Variants in KDM1B observed in about 807,000 individuals in gnomAD.
KDM1B encodes lysine demethylase 1B.
In KDM1B, 63 loss-of-function variants were observed where a neutral mutation model predicts 107.4. That is an observed-to-expected ratio of 0.59 (90% CI 0.48 to 0.72). The LOEUF (loss-of-function observed/expected upper bound fraction) is 0.72, where lower values mean the gene tolerates loss of function less well. KDM1B is among the 30% of genes least tolerant of loss of function. The pLI is 0.00. For synonymous variants in KDM1B, 363 were observed against 363.9 expected, an observed-to-expected ratio of 1.00 and a Z score of 0.03; for missense variants, 749 against 1,020.8, an observed-to-expected ratio of 0.73 and a Z score of 3.63.
chr6:18,222,869 C>G lies in KDM1B; in HGVS notation c.*877C>G, dbSNP rs1384849294. ...CTTCTTTTATTTAAAAGCACTGATT[C>G]AATTGCTAGGAATATTTTTGCAGAT... is the stretch of plus-strand genomic sequence containing the variant. On this transcript the variant is annotated 3_prime_UTR_variant, in exon 22 of 22. Transcript: ENST00000650836. 1.3e-5 allele frequency: 2 copies of G among 152,608 alleles called. No individual in the cohort carries two copies. The highest frequency in any genetic ancestry group is 4.8e-5 in the African/African-American group (2 of 41,440). 9.5% of individuals were successfully genotyped at this position (152,608 alleles called of 1,614,324 possible). A position where few individuals can be genotyped will look rare whatever the true frequency, so the allele number is the denominator to read the frequency against.
chr6:18,160,037 T>C, intron 3 of KDM1B, 55 bp downstream of exon 3: 3 of 1,173,732 alleles, frequency 2.6e-6, no homozygotes, highest in South Asian at 2.8e-5. Context: ...GAATTACTGA[T>C]TGGGACTGGA....
rs533011477 is a variant in KDM1B at position 18,187,935 on chromosome 6, C to T, written c.717C>T (p.Arg239=). 5.5e-5 allele frequency: 86 copies of T among 1,550,510 alleles called. No individual in the cohort carries two copies. The highest frequency in any genetic ancestry group is 5.0e-4 in the Middle Eastern group (3 of 5,992). The change falls in exon 9 of 22, where the codon CGC becomes CGT. Residue 239 remains arginine, a synonymous_variant. Transcript: ENST00000650836. ...GMSPSCTSTN[R]AAATGNASPG... Reference sequence around the variant, plus strand: ...GCCCCTCCTGCACCAGCACAAACCGCGCCGCTGCCACTGGCAATGCCAGCC... The same window carrying T: ...GCCCCTCCTGCACCAGCACAAACCGTGCCGCTGCCACTGGCAATGCCAGCC...
intron 7 of KDM1B, among the ~76,000 whole-genome samples, chr6:18,183,480 G>C (rs965085033): frequency 1.3e-5 from 2 of 151,364 alleles, no homozygotes; most frequent in African/African-American, 4.9e-5. Flanking sequence ...GGCTTGTCTC[G>C]AACTCCTGAA....
chr6:18,207,739 T>C (rs925083476), intron 16 of KDM1B, among the ~76,000 whole-genome samples: 1 of 152,202 alleles, frequency 6.6e-6, no homozygotes, highest in African/African-American at 2.4e-5. Context: ...CCCCAGTGCA[T>C]TTCTATTAAG....
intron 15 of KDM1B, among the ~76,000 whole-genome samples, chr6:18,206,213 A>G (rs949640622): frequency 6.6e-6 from 1 of 151,228 alleles, no homozygotes; most frequent in Non-Finnish European, 1.5e-5. Context: ...AAGAAGCTCA[A>G]TACGTAAAAA....
rs1324718070 is a variant in KDM1B, at chr6:18,205,569, A to G, written c.1564A>G (p.Lys522Glu). The change falls in exon 15 of 22, where the codon AAG becomes GAG. Residue 522 changes from lysine to glutamate, a missense_variant. Physicochemically the swap from Lys to Glu is moderately conservative, Grantham distance 56. Transcript: ENST00000650836. The surrounding 1 kb of genome is among the most constrained non-coding windows in gnomAD (Gnocchi z 5.7). ...AGAAGAAATCTACAAGGCATTTATT[A>G]AGGAATCTGGTATCCAATTCAGTGA... is the stretch of plus-strand genomic sequence containing the variant. ...KIEEIYKAFI[K>E]ESGIQFSELE... 7 of 1,547,442 alleles carry G rather than the reference A, an allele frequency of 4.5e-6. No individual in the cohort carries two copies. In the Admixed American group the frequency reaches 5.9e-5, roughly 13 times the overall value.
Position 18,191,304 on chromosome 6 carries a change from C to T in KDM1B, c.892C>T (p.Pro298Ser), listed in dbSNP as rs1787269058. The T allele has an allele frequency of 1.3e-6, 2 of 1,550,784 alleles. No homozygotes were observed. The highest frequency in any genetic ancestry group is 2.4e-5 in the South Asian group (2 of 84,064). Reference protein sequence around the residue: ...VMELDELYEFPEYSRDPTMYL... With the variant: ...VMELDELYEFSEYSRDPTMYL... ...GGAACTGGATGAGCTCTATGAGTTT[C>T]CAGAGTATTCCCGAGACCCCACCAT... The change falls in exon 10 of 22, where the codon CCA becomes TCA. Residue 298 changes from proline (P) to serine (S), a missense_variant. Physicochemically the swap from Pro to Ser is moderately conservative, Grantham distance 74. Coordinates refer to ENST00000650836, the MANE Select transcript of KDM1B (RefSeq NM_001364614.2). This position sits in a 1 kb window ranked among gnomAD's most constrained non-coding sequence, Gnocchi z 5.1.
chr6:18,193,959 C>T (rs866309145), intron 10 of KDM1B, among the ~76,000 whole-genome samples: 2 of 151,990 alleles, frequency 1.3e-5, no homozygotes, highest in Non-Finnish European at 2.9e-5. Context: ...CCGCAATCTC[C>T]GCCTCCTGGG....
intron 7 of KDM1B, among the ~76,000 whole-genome samples, chr6:18,173,758 T>C (rs1785813806): frequency 6.6e-6 from 1 of 152,160 alleles, no homozygotes; most frequent in Non-Finnish European, 1.5e-5. Context: ...TATTTTTCAC[T>C]TTGTATTATC....
chr6:18,183,848 T>G (rs1786648705), intron 7 of KDM1B, among the ~76,000 whole-genome samples: 1 of 151,958 alleles, frequency 6.6e-6, no homozygotes, highest in African/African-American at 2.4e-5. Flanking sequence ...ATATAAGGGC[T>G]GTTTCTAGTT....
At chr6:18,208,950 C>T (rs551140092) in intron 17 of KDM1B, among the ~76,000 whole-genome samples, 116 of 151,896 alleles carry the variant, frequency 7.6e-4, no homozygotes, top group African/African-American at 1.4e-3. Flanking sequence ...CACTGTGCTC[C>T]GCCCAAATAG....
intron 20 of KDM1B, among the ~76,000 whole-genome samples, chr6:18,216,117 T>C (rs1394180935): frequency 6.6e-6 from 1 of 152,342 alleles, no homozygotes; most frequent in East Asian, 1.9e-4. Context: ...TCTCACTCTT[T>C]CGCCCAGGCT....
At chr6:18,217,924 G>A (rs771970515) in intron 21 of KDM1B, 39 bp downstream of exon 21, 1 of 1,590,206 alleles carries the variant, frequency 6.3e-7, no homozygotes, top group Admixed American at 1.8e-5. Context: ...TTTGTATTTT[G>A]ATTTCTGTCT....
At chr6:18,185,873 G>A in intron 8 of KDM1B, 63 bp downstream of exon 8, 3 of 1,431,910 alleles carry the variant, frequency 2.1e-6, no homozygotes, top group Non-Finnish European at 2.0e-6. Context: ...GTGTTACAAG[G>A]AAATGATAGT....
intron 6 of KDM1B, among the ~76,000 whole-genome samples, chr6:18,166,818 C>T (rs1785328722): frequency 6.6e-6 from 1 of 150,714 alleles, no homozygotes; most frequent in Non-Finnish European, 1.5e-5. Context: ...TACACCACTA[C>T]ACTCCAGCCT....
chr6:18,197,502 A>G lies in KDM1B; in HGVS notation c.1147-85A>G. ...GACATCAAAGAAATGTAAATGAACG[A>G]ATTTGCTCTGCAGTTCCGGAACAAC... On this transcript the variant is annotated intron_variant, in intron 11 of 21. Coordinates refer to ENST00000650836, the MANE Select transcript of KDM1B (RefSeq NM_001364614.2). The surrounding 1 kb of genome is among the most constrained non-coding windows in gnomAD (Gnocchi z 4.5). 3 of 1,056,056 alleles carry G rather than the reference A, an allele frequency of 2.8e-6. No homozygotes were observed. Among genetic ancestry groups the G allele is most frequent in the Non-Finnish European group, 4.3e-6 (3 of 691,918 alleles). The allele number at this position is 1,056,056 out of a possible 1,614,324, so 65.4% of individuals were successfully genotyped here. A position where few individuals can be genotyped will look rare whatever the true frequency, so the allele number is the denominator to read the frequency against.
chr6:18,156,279 C>T (rs1784603260), intron 2 of KDM1B, among the ~76,000 whole-genome samples: 1 of 152,216 alleles, frequency 6.6e-6, no homozygotes, highest in Admixed American at 6.5e-5. Context: ...GGCCGGGCAG[C>T]TGACAGGTGA....
At chr6:18,174,185 C>T (rs752494412) in intron 7 of KDM1B, among the ~76,000 whole-genome samples, 22 of 152,178 alleles carry the variant, frequency 1.4e-4, no homozygotes, top group Non-Finnish European at 2.6e-4. Context: ...GCTCTGCTGT[C>T]ATGATTATTG....
Position 18,162,564 on chromosome 6 carries a change from G to A in KDM1B, c.216-271G>A, listed in dbSNP as rs1785038406. Among the ~76,000 whole-genome samples, 1 of 152,070 alleles carries A rather than the reference G, an allele frequency of 6.6e-6. No individual in the cohort carries two copies. Among genetic ancestry groups the A allele is most frequent in the Non-Finnish European group, 1.5e-5 (1 of 68,028 alleles). On this transcript the variant is annotated intron_variant, in intron 4 of 21. Coordinates refer to ENST00000650836, the MANE Select transcript of KDM1B (RefSeq NM_001364614.2). This position sits in a 1 kb window ranked among gnomAD's most constrained non-coding sequence, Gnocchi z 4.1. ...AGCACAGTGGCATCTGTCCTTTTGT[G>A]TCATAAAACCCTATCATTGCCCCAA...
Sources: gnomAD v4.1 joint callset for allele counts (sites outside exome capture counted in the v4.1 genomes callset) on GRCh38, gnomAD v4.1.1 for gene constraint, Gnocchi (gnomAD v3.1) non-coding constraint, MANE v1.5 for transcripts, NCBI Gene and HGNC (gene_info 2026-07-23, HGNC 2026-07-21) for gene names.